SEMA6A: variants seen among roughly 807,000 people sequenced by gnomAD.
SEMA6A encodes semaphorin-6A.
In SEMA6A, 25 loss-of-function variants were observed where a neutral mutation model predicts 96.8. The observed-to-expected ratio is 0.26, with a 90% CI of 0.19 to 0.36. SEMA6A has a LOEUF of 0.36. Among genes scored for constraint, SEMA6A ranks in the 10% least tolerant of loss-of-function variants. The pLI is 1.00. For missense variants in SEMA6A, 1,363 were observed against 1,323.1 expected (o/e 1.03, Z -0.47); for synonymous variants, 612 against 518.0 (o/e 1.18, Z -2.46).
chr5:116,525,114 A>C (rs1759163611), intron 1 of SEMA6A, among the ~76,000 whole-genome samples: 1 of 152,174 alleles, frequency 6.6e-6, no homozygotes, highest in South Asian at 2.1e-4. Context: ...TGGCCTTTGA[A>C]GTCTGGGTTG....
chr5:116,550,365 T>A (rs1259720115), intron 1 of SEMA6A: 1 of 152,160 alleles, frequency 6.6e-6, no homozygotes, highest in Non-Finnish European at 1.5e-5. Context: ...TTTCTCCACC[T>A]TTTGGTTCTG....
intron 18 of SEMA6A, among the ~76,000 whole-genome samples, chr5:116,464,056 C>G (rs1755575192): frequency 1.3e-5 from 2 of 152,160 alleles, no homozygotes; most frequent in Admixed American, 6.5e-5. Context: ...AAAAAGAAAG[C>G]TCTTATTTCT....
chr5:116,447,252 C>G lies in SEMA6A; in HGVS notation c.2454G>C (p.Leu818=), dbSNP rs1280447960. 1 of 1,613,968 alleles carries G rather than the reference C, an allele frequency of 6.2e-7. No homozygotes were observed. ...GCTGGTAGCCCTGCTGCGTGATGGG[C>G]AGGACCACCACGCTGGGGATGTGGC... ...SPSHIPSVVV[L]PITQQGYQHE... is the part of the protein sequence containing the mutation. The change falls in exon 19 of 19, where the codon CTG becomes CTC. Residue 818 remains leucine (L), a synonymous_variant. Transcript: ENST00000343348.
chr5:116,452,985 G>A (rs146410518), intron 18 of SEMA6A, among the ~76,000 whole-genome samples: 249 of 152,348 alleles, frequency 1.6e-3, no homozygotes, highest in African/African-American at 5.7e-3. Flanking sequence ...TATGTCATGA[G>A]TTACATCACT....
At chr5:116,573,036 G>A (rs1289433871) in intron 1 of SEMA6A, among the ~76,000 whole-genome samples, 4 of 152,190 alleles carry the variant, frequency 2.6e-5, no homozygotes, top group Non-Finnish European at 4.4e-5. Context: ...GTGCCGCTCG[G>A]GTCTTGCGAG....
At chr5:116,470,413 A>G (rs1469211829) in intron 17 of SEMA6A, among the ~76,000 whole-genome samples, 1 of 152,196 alleles carries the variant, frequency 6.6e-6, no homozygotes, top group South Asian at 2.1e-4. Flanking sequence ...TAATCAATGG[A>G]GCTTATGCTT....
chr5:116,525,869 T>C (rs989507732), intron 1 of SEMA6A, among the ~76,000 whole-genome samples: 2 of 152,152 alleles, frequency 1.3e-5, no homozygotes, highest in African/African-American at 4.8e-5. Context: ...AAATTAAGCA[T>C]TTATTGTCTA....
At chr5:116,450,706 C>G (rs191557518) in intron 18 of SEMA6A, among the ~76,000 whole-genome samples, 1 of 152,062 alleles carries the variant, frequency 6.6e-6, no homozygotes, top group Admixed American at 6.6e-5. Context: ...ATTTTTTCCC[C>G]CGTCTCATTT....
At chr5:116,477,641 G>T (rs1170985264) in intron 15 of SEMA6A, among the ~76,000 whole-genome samples, 4 of 152,196 alleles carry the variant, frequency 2.6e-5, no homozygotes, top group Non-Finnish European at 5.9e-5. Flanking sequence ...TCAGTCCGAG[G>T]ATGATTAATC....
chr5:116,447,435 G>C lies in SEMA6A; in HGVS notation c.2271C>G (p.Thr757=). The C allele has an allele frequency of 6.2e-6, 10 of 1,614,086 alleles. No homozygotes were observed. The highest frequency in any genetic ancestry group is 8.5e-6 in the Non-Finnish European group (10 of 1,179,908). Reference sequence around the variant, plus strand: ...GCTGCAGCGTTGGGGTTGACTCTGGGGTGGGGAGGGCCGTCAGGTCCAGGT... The same window carrying C: ...GCTGCAGCGTTGGGGTTGACTCTGGCGTGGGGAGGGCCGTCAGGTCCAGGT... The part of the protein sequence containing the change: ...QHHLDLTALP[T]PESTPTLQQK... The change falls in exon 19 of 19, where the codon ACC becomes ACG. Residue 757 remains threonine (T), a synonymous_variant. Coordinates refer to ENST00000343348, the MANE Select transcript of SEMA6A (RefSeq NM_020796.5).
At chr5:116,550,812 G>T (rs1290680786) in intron 1 of SEMA6A, among the ~76,000 whole-genome samples, 1 of 152,092 alleles carries the variant, frequency 6.6e-6, no homozygotes, top group Non-Finnish European at 1.5e-5. Context: ...TAAATCAGAG[G>T]CTGCCAATAT....
At chr5:116,532,840 G>A (rs1469605717) in intron 1 of SEMA6A, among the ~76,000 whole-genome samples, 2 of 152,158 alleles carry the variant, frequency 1.3e-5, no homozygotes, top group African/African-American at 2.4e-5. Context: ...CCCTCTGGAT[G>A]TGGTTGCTCT....
At chr5:116,506,034 CT>C (rs1339581283) in intron 1 of SEMA6A, among the ~76,000 whole-genome samples, 1 of 152,176 alleles carries the variant, frequency 6.6e-6, no homozygotes, top group Non-Finnish European at 1.5e-5. Flanking sequence ...CAAAGATTAT[CT>C]TTTTTGAACA....
intron 18 of SEMA6A, among the ~76,000 whole-genome samples, chr5:116,464,089 G>C (rs1273637119): frequency 6.6e-6 from 1 of 152,180 alleles, no homozygotes; most frequent in Non-Finnish European, 1.5e-5. Context: ...AGCGGTGGTG[G>C]AGAATAAGCC....
chr5:116,467,112 C>T (rs912361947), intron 18 of SEMA6A, among the ~76,000 whole-genome samples: 4 of 152,150 alleles, frequency 2.6e-5, no homozygotes, highest in Non-Finnish European at 5.9e-5. Flanking sequence ...AAATTCAGCA[C>T]CATGCAACAG....
At chr5:116,488,633 G>A (rs1757179232) in intron 8 of SEMA6A, among the ~76,000 whole-genome samples, 2 of 152,180 alleles carry the variant, frequency 1.3e-5, no homozygotes, top group South Asian at 4.1e-4. Context: ...ATGAGAGCTT[G>A]AAGCAAGAAA....
intron 1 of SEMA6A, among the ~76,000 whole-genome samples, chr5:116,568,201 C>T (rs949720185): frequency 7.2e-5 from 11 of 152,160 alleles, no homozygotes; most frequent in Non-Finnish European, 1.5e-4. Flanking sequence ...TCCCAAATTT[C>T]CACAATGCGT....
intron 1 of SEMA6A, among the ~76,000 whole-genome samples, chr5:116,530,739 A>G (rs1759432516): frequency 1.3e-5 from 2 of 152,224 alleles, no homozygotes; most frequent in South Asian, 2.1e-4. Flanking sequence ...CAGGCCAATG[A>G]AAATGCAGAA....
At chr5:116,478,520 A>C (rs1380255112) in intron 13 of SEMA6A, 22 bp downstream of exon 13, 1 of 1,583,200 alleles carries the variant, frequency 6.3e-7, no homozygotes, top group East Asian at 2.3e-5. Context: ...ATTACTAAGA[A>C]AGAACCAAAT....
Sources: gnomAD v4.1 joint callset for allele counts (sites outside exome capture counted in the v4.1 genomes callset) on GRCh38, gnomAD v4.1.1 for gene constraint, MANE v1.5 for transcripts, NCBI Gene and HGNC (gene_info 2026-07-23, HGNC 2026-07-21) for gene names.